Variants in KCND2 observed in about 807,000 individuals in gnomAD.
KCND2 encodes potassium voltage-gated channel subfamily D member 2.
A neutral mutation model predicts 54.4 loss-of-function variants in KCND2; 16 were observed. That is an observed-to-expected ratio of 0.29 (90% CI 0.20 to 0.45). The LOEUF is 0.45. Among genes scored for constraint, KCND2 ranks in the 20% least tolerant of loss-of-function variants. The pLI is 1.00. For synonymous variants in KCND2, 317 were observed against 310.7 expected (o/e 1.02, Z -0.21); for missense variants, 486 against 824.2 (o/e 0.59, Z 5.02).
chr7:120,520,230 A>G (rs967840493), intron 1 of KCND2, among the ~76,000 whole-genome samples: 2 of 152,154 alleles, frequency 1.3e-5, no homozygotes, highest in African/African-American at 2.4e-5. Flanking sequence ...AGGTATTTAA[A>G]GAATATTGTA....
intron 1 of KCND2, among the ~76,000 whole-genome samples, chr7:120,718,524 A>G (rs1034944081): frequency 2.0e-5 from 3 of 152,170 alleles, no homozygotes; most frequent in Admixed American, 2.0e-4. Context: ...TTTATGGATT[A>G]TCTAGGCTTG....
chr7:120,417,591 C>T (rs1801542543), intron 1 of KCND2, among the ~76,000 whole-genome samples: 1 of 152,126 alleles, frequency 6.6e-6, no homozygotes, highest in Admixed American at 6.5e-5. Context: ...AAGGCTAAAA[C>T]AAAATTTAAT....
chr7:120,694,579 G>A (rs139815012), intron 1 of KCND2, among the ~76,000 whole-genome samples: 56 of 152,190 alleles, frequency 3.7e-4, no homozygotes, highest in African/African-American at 1.3e-3. Context: ...TCATAATAAT[G>A]TTGTACTGCC....
chr7:120,662,152 A>C (rs1467537757), intron 1 of KCND2, among the ~76,000 whole-genome samples: 1 of 152,178 alleles, frequency 6.6e-6, no homozygotes, highest in Non-Finnish European at 1.5e-5. Flanking sequence ...TTTAATTTTT[A>C]GGCCCAGCTG....
At chr7:120,725,536 A>G (rs557487512) in intron 1 of KCND2, among the ~76,000 whole-genome samples, 5 of 152,200 alleles carry the variant, frequency 3.3e-5, no homozygotes, top group Non-Finnish European at 7.3e-5. Flanking sequence ...GAATCGGTAC[A>G]GGCAATTTAC....
chr7:120,497,034 T>C (rs190823534), intron 1 of KCND2, among the ~76,000 whole-genome samples: 95 of 152,342 alleles, frequency 6.2e-4, no homozygotes, highest in Non-Finnish European at 1.2e-3. Flanking sequence ...AAGATAAAGA[T>C]AATTTACAAG....
intron 1 of KCND2, among the ~76,000 whole-genome samples, chr7:120,281,139 A>G (rs1203059283): frequency 1.3e-5 from 2 of 152,154 alleles, no homozygotes; most frequent in African/African-American, 2.4e-5. Flanking sequence ...GAGTTGGCCT[A>G]TGAGTCATTA....
At chr7:120,315,598 C>T (rs1799800212) in intron 1 of KCND2, among the ~76,000 whole-genome samples, 2 of 152,098 alleles carry the variant, frequency 1.3e-5, no homozygotes, top group African/African-American at 4.8e-5. Context: ...TCAACAAATT[C>T]TGGTGCCACC....
intron 1 of KCND2, among the ~76,000 whole-genome samples, chr7:120,437,697 A>T (rs1301913262): frequency 3.3e-5 from 5 of 152,206 alleles, no homozygotes; most frequent in Non-Finnish European, 5.9e-5. Flanking sequence ...CAGTATAGTG[A>T]TGTTTCACTT....
intron 1 of KCND2, among the ~76,000 whole-genome samples, chr7:120,397,204 A>G (rs560906761): frequency 2.6e-5 from 4 of 152,194 alleles, no homozygotes; most frequent in East Asian, 1.9e-4. Flanking sequence ...ATTAGCACAA[A>G]TCAAGTTCAG....
intron 1 of KCND2, among the ~76,000 whole-genome samples, chr7:120,702,017 A>G (rs1792408536): frequency 6.6e-6 from 1 of 152,056 alleles, no homozygotes; most frequent in Non-Finnish European, 1.5e-5. Flanking sequence ...GTAAACAAAC[A>G]CTCCACAGAA....
At chr7:120,630,119 C>T (rs1562892758) in intron 1 of KCND2, among the ~76,000 whole-genome samples, 1 of 152,050 alleles carries the variant, frequency 6.6e-6, no homozygotes, top group Non-Finnish European at 1.5e-5. Flanking sequence ...ACAGCCTTGG[C>T]AATTCTCTCA....
rs1793047884 is a variant in KCND2, at chr7:120,749,639, A to G, written c.*1781A>G. 1 of 152,400 alleles carries G rather than the reference A, an allele frequency of 6.6e-6. No individual in the cohort carries two copies. The allele number at this position is 152,400 out of a possible 1,614,324, so 9.4% of individuals were successfully genotyped here. On this transcript the variant is annotated 3_prime_UTR_variant, in exon 6 of 6. Transcript: ENST00000331113. ...GCTTCCCATTTCTAGAATAGTTTCT[A>G]GAACAGTGCTATGCACATATTAGAT...
intron 1 of KCND2, among the ~76,000 whole-genome samples, chr7:120,323,530 T>C (rs1799926940): frequency 6.7e-6 from 1 of 150,304 alleles, no homozygotes; most frequent in Non-Finnish European, 1.5e-5. Context: ...TTCCCACCTA[T>C]GAGTGAGAAT....
chr7:120,360,325 T>C (rs762921537), intron 1 of KCND2, among the ~76,000 whole-genome samples: 1 of 152,070 alleles, frequency 6.6e-6, no homozygotes. Context: ...TTATAACTTT[T>C]CTGACCAAAA....
At chr7:120,632,967 T>A (rs556223080) in intron 1 of KCND2, among the ~76,000 whole-genome samples, 1 of 152,206 alleles carries the variant, frequency 6.6e-6, no homozygotes, top group Non-Finnish European at 1.5e-5. Context: ...ATCTCCAATC[T>A]TGGCATAAGG....
chr7:120,463,581 A>C (rs1004897542), intron 1 of KCND2, among the ~76,000 whole-genome samples: 2 of 152,062 alleles, frequency 1.3e-5, no homozygotes, highest in African/African-American at 4.8e-5. Flanking sequence ...TGAAAACAAA[A>C]TTATTCAGCT....
At chr7:120,623,438 G>T (rs1398497083) in intron 1 of KCND2, among the ~76,000 whole-genome samples, 2 of 152,116 alleles carry the variant, frequency 1.3e-5, no homozygotes, top group South Asian at 2.1e-4. Context: ...CTGTATGAAG[G>T]CAAGTGTTAT....
At chr7:120,708,553 T>C (rs1490616821) in intron 1 of KCND2, among the ~76,000 whole-genome samples, 1 of 152,130 alleles carries the variant, frequency 6.6e-6, no homozygotes, top group Non-Finnish European at 1.5e-5. Context: ...ATAAAATGTA[T>C]TATGTATTCA....
Sources: gnomAD v4.1 joint callset for allele counts (sites outside exome capture counted in the v4.1 genomes callset) on GRCh38, gnomAD v4.1.1 for gene constraint, MANE v1.5 for transcripts, NCBI Gene and HGNC (gene_info 2026-07-23, HGNC 2026-07-21) for gene names.